The following NSMCE2 variants were observed in gnomAD, a reference collection of about 807,000 sequenced individuals.
NSMCE2 encodes the protein NSE2 SUMO ligase component of SMC5/6 complex.
NSMCE2 carries 24 observed loss-of-function variants against 23.8 expected under a neutral mutation model. The ratio of observed to expected loss-of-function variants is 1.01; its 90% CI spans 0.73 to 1.42. NSMCE2 has a LOEUF of 1.42. NSMCE2 is among the 40% of genes most tolerant of loss of function. NSMCE2 has a pLI of 0.00. For synonymous variants in NSMCE2, 92 were observed against 94.1 expected (o/e 0.98, Z 0.13); for missense variants, 284 against 296.5 (o/e 0.96, Z 0.31).
intron 5 of NSMCE2, among the ~76,000 whole-genome samples, chr8:125,243,447 G>T (rs1825834174): frequency 6.6e-6 from 1 of 151,900 alleles, no homozygotes; most frequent in African/African-American, 2.4e-5. Flanking sequence ...AAGATTGTGA[G>T]CAACCATAGC....
At position 125,177,828 on chromosome 8, in the gene NSMCE2, A is replaced by G. The variant is rs76424712; in HGVS notation, c.265-4275A>G. ...TTTAGTTTTTCAGAGTTCCTTTTGC[A>G]TCTCTCTTCTTTTTCTTCCAGTGCC... is the stretch of plus-strand genomic sequence containing the variant. On this transcript the variant is annotated intron_variant, in intron 4 of 7. Transcript: ENST00000287437. Among the ~76,000 whole-genome samples, 33 of 152,056 alleles carry G rather than the reference A, an allele frequency of 2.2e-4. 1 individual carries two copies. The East Asian group carries it at 6.4e-3, about 29-fold the overall frequency.
At chr8:125,156,666 T>G (rs1363945110) in intron 4 of NSMCE2, among the ~76,000 whole-genome samples, 1 of 152,216 alleles carries the variant, frequency 6.6e-6, no homozygotes, top group African/African-American at 2.4e-5. Flanking sequence ...TTAAAACTAA[T>G]GTGTTGAGAG....
chr8:125,223,110 A>G (rs1824942968), intron 5 of NSMCE2, among the ~76,000 whole-genome samples: 2 of 151,808 alleles, frequency 1.3e-5, no homozygotes, highest in South Asian at 4.2e-4. Flanking sequence ...TCACACCTGT[A>G]ATACCAGCAC....
At chr8:125,101,268 C>A (rs531663179) in intron 1 of NSMCE2, among the ~76,000 whole-genome samples, 26 of 152,252 alleles carry the variant, frequency 1.7e-4, no homozygotes, top group African/African-American at 5.8e-4. Context: ...AATAGTAGTT[C>A]AGCTGTGAGA....
intron 5 of NSMCE2, among the ~76,000 whole-genome samples, chr8:125,235,435 G>A (rs1825503118): frequency 1.3e-5 from 2 of 152,112 alleles, no homozygotes; most frequent in Non-Finnish European, 2.9e-5. Context: ...AAAGTGAAAA[G>A]ATAACTCCTC....
At chr8:125,151,353 T>G in intron 4 of NSMCE2, 76 bp downstream of exon 4, 1 of 714,712 alleles carries the variant, frequency 1.4e-6, no homozygotes, top group Non-Finnish European at 2.5e-6. Context: ...AAAATCAAAA[T>G]TCTTCTCTAA....
chr8:125,139,679 C>T (rs767678865), intron 3 of NSMCE2, among the ~76,000 whole-genome samples: 18 of 151,968 alleles, frequency 1.2e-4, no homozygotes, highest in Non-Finnish European at 1.9e-4. Context: ...ATTCAATTAC[C>T]TCCCACTGGG....
At chr8:125,116,359 A>G (rs1054021807) in intron 3 of NSMCE2, among the ~76,000 whole-genome samples, 1 of 152,200 alleles carries the variant, frequency 6.6e-6, no homozygotes, top group Admixed American at 6.5e-5. Context: ...ACAACAAAGA[A>G]AGTTAATTTT....
At chr8:125,190,234 T>C (rs1321118843) in intron 5 of NSMCE2, among the ~76,000 whole-genome samples, 1 of 152,224 alleles carries the variant, frequency 6.6e-6, no homozygotes, top group Non-Finnish European at 1.5e-5. Flanking sequence ...GTCTCTTTCC[T>C]CCCTGTTGCT....
intron 4 of NSMCE2, among the ~76,000 whole-genome samples, chr8:125,153,370 A>G (rs1821146007): frequency 6.6e-6 from 1 of 152,202 alleles, no homozygotes; most frequent in Admixed American, 6.5e-5. Flanking sequence ...ATACAAAGGT[A>G]TGCTTTCTAT....
intron 5 of NSMCE2, among the ~76,000 whole-genome samples, chr8:125,233,202 G>C (rs1461817065): frequency 6.6e-6 from 1 of 152,194 alleles, no homozygotes; most frequent in Non-Finnish European, 1.5e-5. Flanking sequence ...GAATACTGTA[G>C]AGCTGTGATA....
chr8:125,132,436 G>T (rs1385680859), intron 3 of NSMCE2, among the ~76,000 whole-genome samples: 2 of 151,762 alleles, frequency 1.3e-5, no homozygotes, highest in African/African-American at 4.8e-5. Flanking sequence ...TGATAGCAGT[G>T]TTCTTGAATC....
intron 5 of NSMCE2, among the ~76,000 whole-genome samples, chr8:125,215,545 G>A (rs1824544342): frequency 6.6e-6 from 1 of 152,028 alleles, no homozygotes; most frequent in African/African-American, 2.4e-5. Context: ...ATAGTCCTTT[G>A]GGTATATACC....
intron 5 of NSMCE2, among the ~76,000 whole-genome samples, chr8:125,227,705 A>G (rs1235261873): frequency 2.0e-5 from 3 of 152,202 alleles, no homozygotes; most frequent in African/African-American, 4.8e-5. Context: ...TTTTCTGACT[A>G]TAAAAATGTG....
chr8:125,108,055 A>T (rs184261198), intron 3 of NSMCE2, among the ~76,000 whole-genome samples: 230 of 152,248 alleles, frequency 1.5e-3, no homozygotes, highest in Middle Eastern at 6.8e-3. Flanking sequence ...AAAAAAAATT[A>T]TGATGAAAAT....
At chr8:125,155,774 C>T (rs1479075944) in intron 4 of NSMCE2, among the ~76,000 whole-genome samples, 1 of 152,086 alleles carries the variant, frequency 6.6e-6, no homozygotes, top group Non-Finnish European at 1.5e-5. Flanking sequence ...GAGTGAACAC[C>T]AGTTTAGTTC....
intron 5 of NSMCE2, among the ~76,000 whole-genome samples, chr8:125,213,427 G>A (rs1446613976): frequency 2.0e-5 from 3 of 151,748 alleles, no homozygotes; most frequent in Non-Finnish European, 4.4e-5. Flanking sequence ...ATATGTTTGT[G>A]TGGAGTGATT....
intron 5 of NSMCE2, among the ~76,000 whole-genome samples, chr8:125,344,051 C>G (rs988594534): frequency 6.6e-5 from 10 of 152,076 alleles, no homozygotes; most frequent in African/African-American, 2.2e-4. Flanking sequence ...GATAATACAT[C>G]TAGAAAATAC....
chr8:125,112,125 T>C (rs769733144), intron 3 of NSMCE2, among the ~76,000 whole-genome samples: 4 of 152,224 alleles, frequency 2.6e-5, no homozygotes, highest in Non-Finnish European at 5.9e-5. Context: ...TTTGTATGCT[T>C]ATACAGCTTT....
Sources: allele counts gnomAD v4.1 joint callset (sites outside exome capture counted in the v4.1 genomes callset), GRCh38; gene constraint gnomAD v4.1.1; transcripts MANE v1.5; gene names NCBI Gene and HGNC (gene_info 2026-07-23, HGNC 2026-07-21).